Variants in TBC1D12 observed in about 807,000 individuals in gnomAD.
The protein encoded by TBC1D12 is TBC1 domain family member 12, also known as TBC1 domain family, member 12.
TBC1D12 carries 56 observed loss-of-function variants against 86.7 expected under a neutral mutation model. The observed-to-expected ratio is 0.65, with a 90% confidence interval of 0.52 to 0.81. TBC1D12 has a LOEUF of 0.81. TBC1D12 is among the 30% of genes least tolerant of loss of function. The probability of loss-of-function intolerance (pLI) is 0.00; values close to 1 mark genes in which losing one functional copy is unlikely to be tolerated. For synonymous variants in TBC1D12, 421 were observed against 411.7 expected, an observed-to-expected ratio of 1.02 and a Z score of -0.27; for missense variants, 1,023 against 1,038.8, an observed-to-expected ratio of 0.98 and a Z score of 0.21.
chr10:94,448,947 A>G (rs1208433665), intron 2 of TBC1D12, among the ~76,000 whole-genome samples: 1 of 152,240 alleles, frequency 6.6e-6, no homozygotes, highest in African/African-American at 2.4e-5. Context: ...AATGGATTTC[A>G]TAAAAAATAA....
chr10:94,429,614 CT>C (rs1382076674), intron 1 of TBC1D12, among the ~76,000 whole-genome samples: 1 of 152,064 alleles, frequency 6.6e-6, no homozygotes, highest in Non-Finnish European at 1.5e-5. Context: ...TTCTTTATGG[CT>C]TTTTATTCTT....
chr10:94,426,946 T>C (rs1315272021), intron 1 of TBC1D12, among the ~76,000 whole-genome samples: 4 of 152,180 alleles, frequency 2.6e-5, no homozygotes, highest in Admixed American at 2.6e-4. Flanking sequence ...ACTTGCCCCT[T>C]TAAAGTGTAC....
intron 8 of TBC1D12, among the ~76,000 whole-genome samples, chr10:94,510,786 C>T (rs997784895): frequency 7.2e-5 from 11 of 152,068 alleles, no homozygotes; most frequent in African/African-American, 2.7e-4. Context: ...TATGGGATTA[C>T]AGGCATGTGC....
chr10:94,441,982 G>C lies in TBC1D12; in HGVS notation c.1058G>C (p.Arg353Thr). ...GWKLFGKVPPRENLQKTSKII... is the reference protein window; with the variant it reads ...GWKLFGKVPPTENLQKTSKII... ...AAATTATTTGGTAAAGTCCCTCCTA[G>C]AGAGAATCTTCAGAAAACATCCAAA... Residue 353 changes from arginine (R) to threonine (T), a missense_variant, in exon 2 of 13, where the codon AGA becomes ACA. Arg to Thr is a moderately conservative substitution (Grantham distance 71, BLOSUM62 -1). Around this residue, in one of 2 missense-constraint regions of TBC1D12, gnomAD observed 628 missense variants for 531.1 expected, o/e 1.18. Transcript: ENST00000225235. 1.2e-6 allele frequency: 2 copies of C among 1,612,984 alleles called. No homozygotes were observed. Among genetic ancestry groups the C allele is most frequent in the Non-Finnish European group, 1.7e-6 (2 of 1,179,552 alleles).
At chr10:94,525,811 AT>A (rs956577657) in intron 11 of TBC1D12, among the ~76,000 whole-genome samples, 20 of 148,282 alleles carry the variant, frequency 1.3e-4, no homozygotes, top group African/African-American at 5.3e-4. Flanking sequence ...GTTTTAAAAT[AT>A]TTTTTTTAGT....
chr10:94,468,774 A>G (rs542726087), intron 2 of TBC1D12, among the ~76,000 whole-genome samples: 1 of 152,282 alleles, frequency 6.6e-6, no homozygotes, highest in Admixed American at 6.5e-5. Flanking sequence ...CCTCGTACCA[A>G]CACTCCAATT....
At chr10:94,497,515 C>CTTTTTTT (rs34789814) in intron 5 of TBC1D12, among the ~76,000 whole-genome samples, 2 of 98,092 alleles carry the variant, frequency 2.0e-5, no homozygotes, top group Non-Finnish European at 3.8e-5. Context: ...TCTGCTAAAT[C>CTTTTTTT]TTTTTTTTTT....
At chr10:94,473,787 T>C (rs1019224437) in intron 2 of TBC1D12, among the ~76,000 whole-genome samples, 6 of 152,198 alleles carry the variant, frequency 3.9e-5, no homozygotes, top group African/African-American at 1.2e-4. Context: ...TATAAATAAA[T>C]TTCAGAAGTT....
intron 1 of TBC1D12, among the ~76,000 whole-genome samples, chr10:94,408,405 T>A (rs1386042656): frequency 6.6e-6 from 1 of 152,166 alleles, no homozygotes; most frequent in Non-Finnish European, 1.5e-5. Flanking sequence ...TTTACAATGG[T>A]TGGGTTGAGT....
chr10:94,447,079 T>C (rs942058590), intron 2 of TBC1D12, among the ~76,000 whole-genome samples: 1 of 146,470 alleles, frequency 6.8e-6, no homozygotes, highest in Non-Finnish European at 1.5e-5. Flanking sequence ...AAAAAAAACC[T>C]TTTTTATGTA....
intron 2 of TBC1D12, among the ~76,000 whole-genome samples, chr10:94,444,787 A>G (rs964474274): frequency 1.4e-5 from 2 of 146,788 alleles, no homozygotes; most frequent in African/African-American, 5.1e-5. Context: ...GCTGCAGTGC[A>G]GTGGCACGAT....
chr10:94,411,367 G>T (rs1228081102), intron 1 of TBC1D12, among the ~76,000 whole-genome samples: 1 of 152,092 alleles, frequency 6.6e-6, no homozygotes, highest in African/African-American at 2.4e-5. Context: ...TTTCATGAAG[G>T]TTGCCACTGT....
chr10:94,409,960 TATTA>T (rs1301999892), intron 1 of TBC1D12, among the ~76,000 whole-genome samples: 1 of 152,228 alleles, frequency 6.6e-6, no homozygotes, highest in East Asian at 1.9e-4. Context: ...TGTACAATGT[TATTA>T]ATTAAACTTC....
At position 94,488,386 on chromosome 10, in the gene TBC1D12, C is replaced by CTTTTT. The variant is rs770258959; in HGVS notation, c.1212-4961_1212-4957dup. On this transcript the variant is annotated intron_variant, in intron 3 of 12. Coordinates refer to ENST00000225235, the MANE Select transcript of TBC1D12 (RefSeq NM_015188.2). ...GTTTGTTATTCAGGGCCCAAGGGGT[C>CTTTTT]TTTTTTTTTTTTTTTTTTTTTTGAG... Among the ~76,000 whole-genome samples, 407 of 74,808 alleles carry CTTTTT rather than the reference C, an allele frequency of 5.4e-3. 25 individuals carry two copies. Among genetic ancestry groups the CTTTTT allele is most frequent in the African/African-American group, 0.02 (371 of 18,330 alleles). 49.1% of individuals were successfully genotyped at this position (74,808 alleles called of 152,430 possible).
At chr10:94,493,151 TACACACACACAC>T (rs10532128) in intron 3 of TBC1D12, among the ~76,000 whole-genome samples, 1 of 149,924 alleles carries the variant, frequency 6.7e-6, no homozygotes, top group African/African-American at 2.5e-5. Flanking sequence ...GACATAGAAC[TACACACACACAC>T]ACACACACAC....
At chr10:94,429,019 TAA>T (rs1564942004) in intron 1 of TBC1D12, among the ~76,000 whole-genome samples, 2 of 152,178 alleles carry the variant, frequency 1.3e-5, no homozygotes, top group African/African-American at 4.8e-5. Flanking sequence ...GATTGACTCT[TAA>T]TAAAGAACTC....
chr10:94,460,250 A>G (rs1288608730), intron 2 of TBC1D12, among the ~76,000 whole-genome samples: 1 of 152,224 alleles, frequency 6.6e-6, no homozygotes, highest in African/African-American at 2.4e-5. Context: ...AAAAAAAAGA[A>G]AAAAGAAAAA....
At chr10:94,450,993 A>C (rs1263558926) in intron 2 of TBC1D12, among the ~76,000 whole-genome samples, 1 of 152,078 alleles carries the variant, frequency 6.6e-6, no homozygotes, top group African/African-American at 2.4e-5. Flanking sequence ...AAAAAATAGA[A>C]CAGAGGATAC....
At chr10:94,453,423 G>C (rs997221586) in intron 2 of TBC1D12, among the ~76,000 whole-genome samples, 2 of 152,128 alleles carry the variant, frequency 1.3e-5, no homozygotes, top group East Asian at 3.8e-4. Flanking sequence ...GTGTGTGAGA[G>C]AACACATTCA....
Sources: gnomAD v4.1 joint callset for allele counts (sites outside exome capture counted in the v4.1 genomes callset) on GRCh38, gnomAD v4.1.1 for gene constraint, gnomAD v4.1.1 regional missense constraint, MANE v1.5 for transcripts, NCBI Gene and HGNC (gene_info 2026-07-23, HGNC 2026-07-21) for gene names.